NUBPL: variants seen among roughly 807,000 people sequenced by gnomAD.
NUBPL encodes the protein iron-sulfur cluster transfer protein NUBPL.
NUBPL carries 31 observed loss-of-function variants against 45.7 expected under a neutral mutation model. The observed-to-expected ratio is 0.68, with a 90% CI of 0.51 to 0.92. The LOEUF is 0.92. Among genes scored for constraint, NUBPL ranks in the 40% least tolerant of loss-of-function variants. The pLI is 0.00. For missense variants in NUBPL, 401 were observed against 398.7 expected (o/e 1.01, Z -0.05); for synonymous variants, 144 against 140.9 (o/e 1.02, Z -0.15).
intron 6 of NUBPL, among the ~76,000 whole-genome samples, chr14:31,721,892 G>C (rs887262302): frequency 5.3e-5 from 8 of 152,212 alleles, no homozygotes; most frequent in African/African-American, 1.9e-4. Context: ...TCTTGTGTTA[G>C]TTTGCTAAGG....
intron 6 of NUBPL, among the ~76,000 whole-genome samples, chr14:31,755,973 T>G (rs2038651909): frequency 6.6e-6 from 1 of 152,134 alleles, no homozygotes; most frequent in Admixed American, 6.5e-5. Context: ...CCCCATTGCT[T>G]ATTTTTCTCA....
intron 3 of NUBPL, among the ~76,000 whole-genome samples, chr14:31,582,208 C>T (rs1467838382): frequency 1.3e-5 from 2 of 151,360 alleles, no homozygotes; most frequent in Non-Finnish European, 1.5e-5. Flanking sequence ...TTAGTAGATG[C>T]CATAGATAAT....
At chr14:31,711,840 C>G (rs72674891) in intron 6 of NUBPL, among the ~76,000 whole-genome samples, 44,840 of 151,788 alleles carry the variant, frequency 0.3, 7,487 homozygotes, top group South Asian at 0.41. Context: ...TGAAGACCTT[C>G]GCGGTGGGTG....
chr14:31,798,577 G>T (rs1051390056), intron 7 of NUBPL, among the ~76,000 whole-genome samples: 5 of 151,288 alleles, frequency 3.3e-5, no homozygotes, highest in Non-Finnish European at 7.4e-5. Flanking sequence ...TGGATCATGG[G>T]GTCGGGAGAA....
At chr14:31,635,220 T>C (rs2035457630) in intron 4 of NUBPL, among the ~76,000 whole-genome samples, 1 of 152,214 alleles carries the variant, frequency 6.6e-6, no homozygotes, top group South Asian at 2.1e-4. Flanking sequence ...TTTATGGTTT[T>C]AGGTCTAACG....
chr14:31,823,672 ATC>A (rs1290564590), intron 7 of NUBPL, among the ~76,000 whole-genome samples: 1 of 152,146 alleles, frequency 6.6e-6, no homozygotes, highest in Non-Finnish European at 1.5e-5. Flanking sequence ...CTTGGAAACT[ATC>A]TAGTGCAGGC....
intron 3 of NUBPL, among the ~76,000 whole-genome samples, chr14:31,565,431 G>A (rs1186610850): frequency 5.3e-5 from 8 of 152,232 alleles, no homozygotes; most frequent in African/African-American, 7.2e-5. Context: ...AATGGAATAC[G>A]TGTGTAATGC....
At chr14:31,756,255 A>G (rs2038660541) in intron 6 of NUBPL, among the ~76,000 whole-genome samples, 1 of 152,158 alleles carries the variant, frequency 6.6e-6, no homozygotes, top group South Asian at 2.1e-4. Context: ...TGGTAGCTTG[A>G]TGAGGATGGC....
At chr14:31,719,450 T>G (rs558911663) in intron 6 of NUBPL, among the ~76,000 whole-genome samples, 2 of 151,516 alleles carry the variant, frequency 1.3e-5, no homozygotes, top group African/African-American at 4.9e-5. Flanking sequence ...TGGGAAATAA[T>G]CCATTTTATA....
At chr14:31,600,864 T>C (rs2034414664) in intron 4 of NUBPL, among the ~76,000 whole-genome samples, 1 of 151,650 alleles carries the variant, frequency 6.6e-6, no homozygotes, top group African/African-American at 2.4e-5. Context: ...CTAGGTTTTC[T>C]TCTAGGGTTT....
intron 8 of NUBPL, chr14:31,846,186 T>C (rs2040448990): frequency 1.6e-5 from 6 of 373,536 alleles, no homozygotes; most frequent in South Asian, 1.4e-4. Flanking sequence ...AAGAAACAAC[T>C]GTCTATGGGA....
At chr14:31,624,456 G>T (rs972954136) in intron 4 of NUBPL, among the ~76,000 whole-genome samples, 2 of 152,198 alleles carry the variant, frequency 1.3e-5, no homozygotes, top group African/African-American at 4.8e-5. Flanking sequence ...TTGTGAGTTA[G>T]CAGTATAGGT....
chr14:31,708,112 A>G (rs369667813), intron 6 of NUBPL, among the ~76,000 whole-genome samples: 33 of 152,370 alleles, frequency 2.2e-4, no homozygotes, highest in South Asian at 1.7e-3. Flanking sequence ...ACAACTGGAT[A>G]TAGAGGAATT....
In NUBPL at chr14:31,746,346, G is replaced by A. The variant is rs745868848; in HGVS notation, c.514-41434G>A. ...GGTTTTGTCATTTATTGCCTTTATCGTGTTTAGATACATACTTTCTGTACC... is the reference window on the plus strand; with the variant it reads ...GGTTTTGTCATTTATTGCCTTTATCATGTTTAGATACATACTTTCTGTACC... On this transcript the variant is annotated intron_variant, in intron 6 of 10. Transcript: ENST00000281081. Among the ~76,000 whole-genome samples the A allele has an allele frequency of 3.3e-5, 5 of 151,962 alleles. No individual in the cohort carries two copies. In the South Asian group the frequency reaches 6.2e-4, roughly 19 times the overall value.
At chr14:31,725,033 T>C (rs1185820162) in intron 6 of NUBPL, among the ~76,000 whole-genome samples, 1 of 151,948 alleles carries the variant, frequency 6.6e-6, no homozygotes, top group African/African-American at 2.4e-5. Flanking sequence ...TAGTATCTTA[T>C]AGTAAAGATT....
chr14:31,766,905 G>A (rs1197448257), intron 6 of NUBPL, among the ~76,000 whole-genome samples: 1 of 152,080 alleles, frequency 6.6e-6, no homozygotes, highest in Non-Finnish European at 1.5e-5. Context: ...ATGTGGTACT[G>A]AAGATGGCAA....
chr14:31,738,520 A>G (rs2038209343), intron 6 of NUBPL, among the ~76,000 whole-genome samples: 2 of 152,172 alleles, frequency 1.3e-5, no homozygotes. Context: ...AAACAGATTT[A>G]AATATTATCT....
At chr14:31,709,106 A>C (rs1475606504) in intron 6 of NUBPL, among the ~76,000 whole-genome samples, 1 of 152,136 alleles carries the variant, frequency 6.6e-6, no homozygotes, top group Admixed American at 6.5e-5. Flanking sequence ...TGAGGTTGCC[A>C]GGTTTAATAA....
intron 6 of NUBPL, among the ~76,000 whole-genome samples, chr14:31,742,486 A>G (rs911280408): frequency 6.6e-6 from 1 of 152,206 alleles, no homozygotes; most frequent in Non-Finnish European, 1.5e-5. Context: ...AGATGATGCT[A>G]TTGGACCATA....
Sources: allele counts gnomAD v4.1 joint callset (sites outside exome capture counted in the v4.1 genomes callset), GRCh38; gene constraint gnomAD v4.1.1; transcripts MANE v1.5; gene names NCBI Gene and HGNC (gene_info 2026-07-23, HGNC 2026-07-21).